The following TACC2 variants were observed in gnomAD, a reference collection of about 807,000 sequenced individuals.
TACC2 encodes transforming acidic coiled-coil containing protein 2, also known as transforming acidic coiled-coil-containing protein 2.
TACC2 carries 137 observed loss-of-function variants against 227.3 expected under a neutral mutation model. That is an observed-to-expected ratio of 0.60 (90% CI 0.52 to 0.69). TACC2 has a LOEUF of 0.69. TACC2 is among the 30% of genes least tolerant of loss of function. TACC2 has a pLI of 0.00. For missense variants in TACC2, 3,470 were observed against 3,694.4 expected, an observed-to-expected ratio of 0.94 and a Z score of 1.57; for synonymous variants, 1,523 against 1,487.5, an observed-to-expected ratio of 1.02 and a Z score of -0.55.
In TACC2 at chr10:122,230,447, G is replaced by A; in HGVS notation, c.8127+7G>A. On this transcript the variant is annotated splice_region_variant and intron_variant, in intron 16 of 22. Coordinates refer to ENST00000369005, the MANE Select transcript of TACC2 (RefSeq NM_206862.4). ...CAGCCACCAGGATGCCAAGGTACCGGTTTGCTGCTGCGTGCGCCACCTCCT... is the reference window on the plus strand; with the variant it reads ...CAGCCACCAGGATGCCAAGGTACCGATTTGCTGCTGCGTGCGCCACCTCCT... 1 of 1,613,778 alleles carries A rather than the reference G, an allele frequency of 6.2e-7. No individual in the cohort carries two copies. The highest frequency in any genetic ancestry group is 8.5e-7 in the Non-Finnish European group (1 of 1,179,774).
intron 7 of TACC2, among the ~76,000 whole-genome samples, chr10:122,189,233 G>A (rs2094324828): frequency 6.6e-6 from 1 of 152,058 alleles, no homozygotes; most frequent in African/African-American, 2.4e-5. Flanking sequence ...TCATTCAGCG[G>A]AATATTTTGT....
chr10:122,050,485 C>T lies in TACC2; in HGVS notation c.81C>T (p.Asn27=). The stretch of plus-strand genomic sequence containing the variant: ...CAAGGTCCGCGCAGCCACCCGGGAA[C>T]AGTCAGAATATAAAAAGGAAGCAGC... ...QTPRSAQPPG[N]SQNIKRKQQD... The change falls in exon 3 of 23, where the codon AAC becomes AAT. Residue 27 remains asparagine (N), a synonymous_variant. Coordinates refer to ENST00000369005, the MANE Select transcript of TACC2 (RefSeq NM_206862.4). This position sits in a 1 kb window ranked among gnomAD's most constrained non-coding sequence, Gnocchi z 4.6. 1.2e-6 allele frequency: 2 copies of T among 1,614,156 alleles called. No homozygotes were observed. The highest frequency in any genetic ancestry group is 2.2e-5 in the South Asian group (2 of 91,076).
intron 19 of TACC2, among the ~76,000 whole-genome samples, chr10:122,246,217 C>T (rs1393518884): frequency 3.9e-5 from 6 of 152,218 alleles, no homozygotes; most frequent in East Asian, 1.9e-4. Context: ...TAGCAGCCTG[C>T]GTGTGAACAA....
At chr10:122,154,063 G>A (rs11200437) in intron 7 of TACC2, among the ~76,000 whole-genome samples, 2,159 of 152,334 alleles carry the variant, frequency 0.014, 54 homozygotes, top group East Asian at 0.12. Context: ...GGAAGGGCTC[G>A]TCCTAGGGAG....
At position 122,249,172 on chromosome 10, in the gene TACC2, T is replaced by C; in HGVS notation, c.8660+16T>C. On this transcript the variant is annotated intron_variant, in intron 21 of 22. Coordinates refer to ENST00000369005, the MANE Select transcript of TACC2 (RefSeq NM_206862.4). ...AACTGGACAGGTAACATTTAGCCACTGGGGGTGGCTCCCAGGGGCCTCCCA... is the reference window on the plus strand; with the variant it reads ...AACTGGACAGGTAACATTTAGCCACCGGGGGTGGCTCCCAGGGGCCTCCCA... 6.3e-7 allele frequency: 1 copy of C among 1,580,882 alleles called. No homozygotes were observed. Among genetic ancestry groups the C allele is most frequent in the Non-Finnish European group, 8.6e-7 (1 of 1,157,400 alleles).
chr10:122,160,253 T>A (rs1467309229), intron 7 of TACC2, among the ~76,000 whole-genome samples: 1 of 152,224 alleles, frequency 6.6e-6, no homozygotes, highest in Non-Finnish European at 1.5e-5. Context: ...CAGTGGAGCC[T>A]GTCTAAGCGG....
chr10:122,038,340 T>A (rs192454164), intron 2 of TACC2, among the ~76,000 whole-genome samples: 1 of 152,308 alleles, frequency 6.6e-6, no homozygotes, highest in Admixed American at 6.5e-5. Context: ...GACTTTTTAT[T>A]CTAAAGCTTA....
At chr10:122,065,551 G>T (rs1034681183) in intron 3 of TACC2, among the ~76,000 whole-genome samples, 7 of 151,936 alleles carry the variant, frequency 4.6e-5, no homozygotes, top group African/African-American at 1.7e-4. Context: ...TCCCTTGTAC[G>T]TGTTCCATCT....
chr10:121,991,495 A>G (rs1386336291), intron 1 of TACC2, among the ~76,000 whole-genome samples: 2 of 152,252 alleles, frequency 1.3e-5, no homozygotes, highest in Admixed American at 6.5e-5. Flanking sequence ...AAGTTTTGAA[A>G]TAGTTCACAT....
chr10:122,226,447 G>A lies in TACC2; in HGVS notation c.7690G>A (p.Val2564Ile), dbSNP rs139196844. The part of the protein sequence containing the change: ...SQESPVKSSP[V>I]RMSESPTPCS... ...GGAGAGCCCTGTCAAGTCATCTCCC[G>A]TCCGCATGTCAGAGTCCCCGACGCC... The change falls in exon 13 of 23, where the codon GTC (valine) becomes ATC (isoleucine). Residue 2564 changes from valine to isoleucine, a missense_variant. By Grantham distance (29) the Val-to-Ile change is conservative. This residue lies in a region of TACC2 where 345 missense variants were observed against 354.4 expected (regional missense o/e 0.97). Transcript: ENST00000369005. The A allele has an allele frequency of 2.2e-5, 35 of 1,613,882 alleles. No individual in the cohort carries two copies. The African/African-American group carries it at 2.4e-4, about 11-fold the overall frequency.
At chr10:122,021,756 G>A (rs142421887) in intron 1 of TACC2, among the ~76,000 whole-genome samples, 181 bp from the exon 2 acceptor site, 40 of 152,228 alleles carry the variant, frequency 2.6e-4, no homozygotes, top group African/African-American at 9.2e-4. Flanking sequence ...GCCCGTATTG[G>A]GAAAGAAACC....
At chr10:122,143,737 G>A in intron 7 of TACC2, 31 bp downstream of exon 7, 1 of 1,604,590 alleles carries the variant, frequency 6.2e-7, no homozygotes. Context: ...CACAGCACCT[G>A]CCCCCGGAGA....
At chr10:122,115,339 A>T (rs1337412217) in intron 5 of TACC2, among the ~76,000 whole-genome samples, 1 of 151,852 alleles carries the variant, frequency 6.6e-6, no homozygotes, top group East Asian at 1.9e-4. Context: ...GAGCATGCAC[A>T]TATGGGGCAG....
At chr10:122,248,849 A>G (rs1465115966) in intron 20 of TACC2, 46 bp downstream of exon 20, 1 of 1,610,382 alleles carries the variant, frequency 6.2e-7, no homozygotes, top group South Asian at 1.1e-5. Context: ...TCTGATTGGG[A>G]GAGATTGTGG....
At chr10:122,227,284 G>C (rs533162228) in intron 13 of TACC2, among the ~76,000 whole-genome samples, 1 of 152,324 alleles carries the variant, frequency 6.6e-6, no homozygotes, top group East Asian at 1.9e-4. Flanking sequence ...TGTGGGCATT[G>C]CTGTGAGATT....
chr10:122,248,957 T>C lies in TACC2; in HGVS notation c.8554-93T>C, dbSNP rs1589965980. 6 of 1,489,166 alleles carry C rather than the reference T, an allele frequency of 4.0e-6. No individual in the cohort carries two copies. The South Asian group carries it at 7.1e-5, about 18-fold the overall frequency. 92.2% of individuals were successfully genotyped at this position (1,489,166 alleles called of 1,614,324 possible). On this transcript the variant is annotated intron_variant, in intron 20 of 22. Transcript: ENST00000369005. ...GGGAGGCAGACTTGGCCGCCTGGGG[T>C]TACACCTGCATCCGAGAGTTCCTGG... is the stretch of plus-strand genomic sequence containing the variant.
intron 8 of TACC2, among the ~76,000 whole-genome samples, chr10:122,197,736 T>C (rs527390724): frequency 1.2e-4 from 19 of 152,348 alleles, no homozygotes; most frequent in African/African-American, 4.3e-4. Context: ...GTGAGGATTG[T>C]ACACTCAGGA....
intron 3 of TACC2, 57 bp from the exon 4 acceptor site, chr10:122,082,590 C>G: frequency 1.9e-6 from 3 of 1,542,720 alleles, no homozygotes; most frequent in Non-Finnish European, 2.6e-6. Flanking sequence ...GACCTGCCTG[C>G]AGTGTGGCTC....
rs754559620 is a variant in TACC2 at position 122,050,452 on chromosome 10, T to C, written c.48T>C (p.Ala16=). 6.2e-7 allele frequency: 1 copy of C among 1,614,024 alleles called. No homozygotes were observed. The highest frequency in any genetic ancestry group is 8.5e-7 in the Non-Finnish European group (1 of 1,179,920). ...TCCTGGCTCAGAGGACTTTATCAGC[T>C]CAGACTCCAAGGTCCGCGCAGCCAC... is the stretch of plus-strand genomic sequence containing the variant. ...STSDNQRTLS[A]QTPRSAQPPG... The change falls in exon 3 of 23, where the codon GCT becomes GCC. Residue 16 remains alanine, a synonymous_variant. Transcript: ENST00000369005. This position sits in a 1 kb window ranked among gnomAD's most constrained non-coding sequence, Gnocchi z 4.6.
Sources: gnomAD v4.1 joint callset for allele counts (sites outside exome capture counted in the v4.1 genomes callset) on GRCh38, gnomAD v4.1.1 for gene constraint, gnomAD v4.1.1 regional missense constraint, Gnocchi (gnomAD v3.1) non-coding constraint, MANE v1.5 for transcripts, NCBI Gene and HGNC (gene_info 2026-07-23, HGNC 2026-07-21) for gene names.